Variants in TMX2 observed in about 807,000 individuals in gnomAD.
TMX2 encodes thioredoxin related transmembrane protein 2.
In TMX2, 20 loss-of-function variants were observed where a neutral mutation model predicts 33.4. The observed-to-expected ratio is 0.60, with a 90% CI of 0.42 to 0.87. TMX2 has a LOEUF of 0.87. Ranked by LOEUF, TMX2 falls within the 40% of genes least tolerant of loss-of-function variation. The pLI is 0.00. For synonymous variants in TMX2, 166 were observed against 140.7 expected, an observed-to-expected ratio of 1.18 and a Z score of -1.27; for missense variants, 340 against 370.7, an observed-to-expected ratio of 0.92 and a Z score of 0.68.
At chr11:57,716,273 C>T (rs1204421170) in intron 1 of TMX2, among the ~76,000 whole-genome samples, 6 of 148,174 alleles carry the variant, frequency 4.0e-5, no homozygotes, top group East Asian at 4.1e-4. Context: ...GACCCCCCCC[C>T]ACCTCCCTCC....
chr11:57,718,316 A>G, intron 1 of TMX2: 1 of 1,558,382 alleles, frequency 6.4e-7, no homozygotes, highest in Non-Finnish European at 8.8e-7. Flanking sequence ...ACTTGCCACC[A>G]GTGCCATTAT....
chr11:57,738,606 T>C, intron 4 of TMX2, 58 bp from the exon 5 acceptor site: 1 of 1,489,876 alleles, frequency 6.7e-7, no homozygotes, highest in Non-Finnish European at 9.4e-7. Flanking sequence ...TGCTAAAGTC[T>C]GAACCTTCCC....
chr11:57,733,096 TC>T (rs1948497746), intron 1 of TMX2, among the ~76,000 whole-genome samples: 1 of 152,056 alleles, frequency 6.6e-6, no homozygotes, highest in Non-Finnish European at 1.5e-5. Flanking sequence ...GGTATTATAA[TC>T]TTATGGGACC....
At chr11:57,731,139 T>G (rs1007542974) in intron 1 of TMX2, among the ~76,000 whole-genome samples, 1,874 of 139,430 alleles carry the variant, frequency 0.013, 41 homozygotes, top group Admixed American at 0.055. Context: ...TTTTTTTTTT[T>G]TTTTTTTTTT....
intron 1 of TMX2, among the ~76,000 whole-genome samples, chr11:57,716,218 C>G (rs1947002165): frequency 1.3e-5 from 2 of 149,882 alleles, no homozygotes; most frequent in Non-Finnish European, 3.0e-5. Context: ...GGGGCTGACC[C>G]TCCCACCTCC....
At chr11:57,740,035 A>C in intron 7 of TMX2, 64 bp from the exon 8 acceptor site, 2 of 1,607,190 alleles carry the variant, frequency 1.2e-6, no homozygotes, top group South Asian at 2.2e-5. Flanking sequence ...AATACCTCTT[A>C]CTTCCCAGGC....
At chr11:57,728,395 T>C (rs1171209736) in intron 1 of TMX2, among the ~76,000 whole-genome samples, 5 of 152,086 alleles carry the variant, frequency 3.3e-5, no homozygotes, top group Non-Finnish European at 7.4e-5. Context: ...AACAGTAATA[T>C]GGCTCCCAAC....
At position 57,737,599 on chromosome 11, in the gene TMX2, CTGTTCCAGAGAGAAG is replaced by C. The variant is rs1279900372; in HGVS notation, c.190-6_198del. 1.2e-6 allele frequency: 2 copies of C among 1,612,874 alleles called. No homozygotes were observed. On this transcript the variant is annotated splice_acceptor_variant and splice_polypyrimidine_tract_variant and coding_sequence_variant and intron_variant, in exon 2 of 8. Coordinates refer to ENST00000278422, the MANE Select transcript of TMX2 (RefSeq NM_015959.4). LOFTEE classifies it high-confidence loss of function. ...GCATTCCTGTTATAATACTTCGATT[CTGTTCCAGAGAGAAG>C]TGGAGATCCTGATGTTTCTCAGTGC...
intron 1 of TMX2, among the ~76,000 whole-genome samples, chr11:57,736,053 T>A (rs186872156): frequency 1.3e-5 from 2 of 152,170 alleles, no homozygotes; most frequent in East Asian, 1.9e-4. Flanking sequence ...AAGGAGGGGG[T>A]ATAAAGAGAT....
intron 1 of TMX2, among the ~76,000 whole-genome samples, chr11:57,727,565 A>G (rs1948088038): frequency 6.6e-6 from 1 of 152,158 alleles, no homozygotes; most frequent in Admixed American, 6.5e-5. Flanking sequence ...CTGGATATCT[A>G]TTGTGACTTA....
intron 2 of TMX2, 89 bp downstream of exon 2, chr11:57,737,757 G>A (rs1208563277): frequency 3.2e-6 from 5 of 1,566,498 alleles, no homozygotes; most frequent in Non-Finnish European, 4.4e-6. Flanking sequence ...GCAATCATTT[G>A]GTAAATTTGT....
chr11:57,718,424 C>T (rs142152152), intron 1 of TMX2: 22,140 of 1,282,066 alleles, frequency 0.017, 246 homozygotes, highest in Middle Eastern at 0.047. Context: ...GCTCAGAGCA[C>T]GAAAGTTTTC....
chr11:57,722,906 A>G (rs1254674584), intron 1 of TMX2, among the ~76,000 whole-genome samples: 1 of 152,084 alleles, frequency 6.6e-6, no homozygotes, highest in African/African-American at 2.4e-5. Context: ...TGAACTCAGG[A>G]GTTCGGGACC....
chr11:57,712,947 G>A (rs1010959522), intron 1 of TMX2, 140 bp downstream of exon 1: 5 of 858,010 alleles, frequency 5.8e-6, no homozygotes, highest in African/African-American at 3.4e-5. Context: ...TTAAGTGCAG[G>A]GTCCGAACCA....
chr11:57,737,677 A>G lies in TMX2; in HGVS notation c.250+9A>G. 6.2e-7 allele frequency: 1 copy of G among 1,613,386 alleles called. No individual in the cohort carries two copies. ...GAAGAACCGCAGATCCAGTAAGTTT[A>G]GTTCACTTCTCAGACTCAAGGTTAG... On this transcript the variant is annotated intron_variant, in intron 2 of 7. Coordinates refer to ENST00000278422, the MANE Select transcript of TMX2 (RefSeq NM_015959.4).
At chr11:57,727,129 T>C (rs1948056972) in intron 1 of TMX2, among the ~76,000 whole-genome samples, 1 of 152,130 alleles carries the variant, frequency 6.6e-6, no homozygotes, top group African/African-American at 2.4e-5. Context: ...AAGACCCGGA[T>C]CATAATAGCT....
At chr11:57,737,816 C>T (rs1193598415) in intron 2 of TMX2, 97 bp from the exon 3 acceptor site, 14 of 1,611,036 alleles carry the variant, frequency 8.7e-6, no homozygotes, top group Non-Finnish European at 1.1e-5. Flanking sequence ...TCTATCCCCT[C>T]CCTGTCTCCT....
intron 1 of TMX2, among the ~76,000 whole-genome samples, chr11:57,730,426 TAAAAAAAA>T (rs61228178): frequency 1.2e-3 from 29 of 23,598 alleles, no homozygotes; most frequent in Admixed American, 3.6e-3. Flanking sequence ...AAACTGTCTT[TAAAAAAAA>T]AAAAAAAAAA....
chr11:57,738,911 A>G (rs554886387), intron 5 of TMX2, 63 bp from the exon 6 acceptor site: 210 of 1,568,712 alleles, frequency 1.3e-4, no homozygotes, highest in Non-Finnish European at 1.8e-4. Context: ...TTAAATATCT[A>G]TACTTCCACT....
Sources: allele counts gnomAD v4.1 joint callset (sites outside exome capture counted in the v4.1 genomes callset), GRCh38; gene constraint gnomAD v4.1.1; transcripts MANE v1.5; gene names NCBI Gene and HGNC (gene_info 2026-07-23, HGNC 2026-07-21).